ABI2: variants seen among roughly 807,000 people sequenced by gnomAD.
The protein encoded by ABI2 is abl interactor 2.
In ABI2, 25 loss-of-function variants were observed where a neutral mutation model predicts 59.2. The observed-to-expected ratio is 0.42, with a 90% CI of 0.31 to 0.59. The LOEUF (loss-of-function observed/expected upper bound fraction) is 0.59, where lower values mean the gene tolerates loss of function less well. Among genes scored for constraint, ABI2 ranks in the 20% least tolerant of loss-of-function variants. The probability of loss-of-function intolerance (pLI) is 0.14; values close to 1 mark genes in which losing one functional copy is unlikely to be tolerated. For missense variants in ABI2, 545 were observed against 681.8 expected (o/e 0.80, Z 2.23); for synonymous variants, 213 against 235.5 (o/e 0.90, Z 0.87).
At chr2:203,349,755 T>C (rs538601140) in intron 1 of ABI2, among the ~76,000 whole-genome samples, 103 of 152,088 alleles carry the variant, frequency 6.8e-4, no homozygotes, top group Admixed American at 9.8e-4. Context: ...AGTACATGGA[T>C]AATACCACAT....
intron 1 of ABI2, among the ~76,000 whole-genome samples, chr2:203,361,587 T>C (rs969085656): frequency 6.6e-6 from 1 of 152,026 alleles, no homozygotes; most frequent in Non-Finnish European, 1.5e-5. Flanking sequence ...GTTGACAGAA[T>C]GCTAAGGAAA....
chr2:203,359,989 A>C (rs1003433362), intron 1 of ABI2, among the ~76,000 whole-genome samples: 1 of 152,032 alleles, frequency 6.6e-6, no homozygotes, highest in Non-Finnish European at 1.5e-5. Flanking sequence ...GATTGAGACC[A>C]TCCTGGCCAA....
At chr2:203,349,369 A>C (rs1279883929) in intron 1 of ABI2, among the ~76,000 whole-genome samples, 1 of 152,062 alleles carries the variant, frequency 6.6e-6, no homozygotes, top group Non-Finnish European at 1.5e-5. Context: ...CTAATCCTGA[A>C]GTCTCCATTA....
At chr2:203,330,337 G>C (rs1207536424) in intron 1 of ABI2, among the ~76,000 whole-genome samples, 1 of 150,992 alleles carries the variant, frequency 6.6e-6, no homozygotes. Flanking sequence ...TGATACAAGT[G>C]GGGTAGAAAA....
intron 11 of ABI2, 22 bp from the exon 12 acceptor site, chr2:203,427,155 G>A (rs779523994): frequency 3.1e-6 from 5 of 1,607,372 alleles, no homozygotes; most frequent in Non-Finnish European, 4.3e-6. Flanking sequence ...TTCACATCCT[G>A]TTTTGTTTTC....
intron 11 of ABI2, among the ~76,000 whole-genome samples, chr2:203,419,557 T>C (rs1265926678): frequency 1.3e-5 from 2 of 151,376 alleles, no homozygotes; most frequent in African/African-American, 4.9e-5. Flanking sequence ...TTTTTTTTTT[T>C]TGGTAGAGAC....
intron 5 of ABI2, among the ~76,000 whole-genome samples, chr2:203,394,166 T>G (rs1483860703): frequency 6.6e-6 from 1 of 152,220 alleles, no homozygotes; most frequent in Non-Finnish European, 1.5e-5. Flanking sequence ...TATTTTTGTA[T>G]ATAGATATAC....
chr2:203,413,910 G>T (rs926635472), intron 10 of ABI2, among the ~76,000 whole-genome samples: 1 of 151,876 alleles, frequency 6.6e-6, no homozygotes, highest in Non-Finnish European at 1.5e-5. Context: ...GTTATACTGG[G>T]GTAAGAAGTA....
intron 1 of ABI2, among the ~76,000 whole-genome samples, chr2:203,329,723 C>T (rs1362315958): frequency 2.0e-5 from 3 of 150,422 alleles, no homozygotes; most frequent in Non-Finnish European, 3.0e-5. Context: ...ACCTCCATCT[C>T]TCCAGGGATC....
chr2:203,352,565 TAAAG>T (rs1307908672), intron 1 of ABI2, among the ~76,000 whole-genome samples: 3 of 143,054 alleles, frequency 2.1e-5, no homozygotes, highest in East Asian at 2.8e-4. Flanking sequence ...CAAAAAAAGT[TAAAG>T]AAAAAAAAAA....
At chr2:203,375,884 A>T (rs1033780677) in intron 2 of ABI2, 2 of 434,656 alleles carry the variant, frequency 4.6e-6, no homozygotes, top group African/African-American at 2.0e-5. Context: ...TCAAACTCCA[A>T]ATAGAACCGT....
intron 10 of ABI2, among the ~76,000 whole-genome samples, chr2:203,413,543 G>A (rs2097764996): frequency 6.6e-6 from 1 of 152,192 alleles, no homozygotes; most frequent in Middle Eastern, 3.4e-3. Flanking sequence ...TTGCCTTTTG[G>A]ATTGGTCTTT....
At chr2:203,339,913 G>A (rs977053585) in intron 1 of ABI2, among the ~76,000 whole-genome samples, 12 of 152,154 alleles carry the variant, frequency 7.9e-5, no homozygotes, top group Non-Finnish European at 1.5e-4. Context: ...TGTGGAACGC[G>A]TGTATATGAA....
chr2:203,337,966 G>A (rs2077218240), intron 1 of ABI2, among the ~76,000 whole-genome samples: 1 of 152,198 alleles, frequency 6.6e-6, no homozygotes, highest in Non-Finnish European at 1.5e-5. Flanking sequence ...GGAAGTGGAG[G>A]TTGCAGTGAG....
intron 10 of ABI2, 47 bp downstream of exon 10, chr2:203,411,418 A>G: frequency 2.1e-6 from 3 of 1,442,582 alleles, no homozygotes; most frequent in Non-Finnish European, 2.9e-6. Context: ...GTAGGCATAA[A>G]ATGTCATTTA....
Position 203,411,588 on chromosome 2 carries a change from T to C in ABI2, c.1279+217T>C, listed in dbSNP as rs150744052. ...ACAAATACATATAAAATAAGGCACA[T>C]ATAAGAAAAGAAAGATCACATCCTA... is the stretch of plus-strand genomic sequence containing the variant. On this transcript the variant is annotated intron_variant, in intron 10 of 11. Coordinates refer to ENST00000261018, the MANE Select transcript of ABI2 (RefSeq NM_001375670.1). Among the ~76,000 whole-genome samples, 776 of 152,292 alleles carry C rather than the reference T, an allele frequency of 5.1e-3. 3 individuals carry two copies. The highest frequency in any genetic ancestry group is 9.1e-3 in the Non-Finnish European group (621 of 68,014).
At chr2:203,354,880 A>G (rs2091073029) in intron 1 of ABI2, among the ~76,000 whole-genome samples, 1 of 152,210 alleles carries the variant, frequency 6.6e-6, no homozygotes, top group East Asian at 1.9e-4. Context: ...ATTTCTGGAA[A>G]AGATGGTGTG....
intron 4 of ABI2, among the ~76,000 whole-genome samples, chr2:203,390,491 T>C (rs1055935127): frequency 6.6e-6 from 1 of 151,888 alleles, no homozygotes; most frequent in Non-Finnish European, 1.5e-5. Context: ...AATTAGCTGG[T>C]CGTGGTGGCA....
At chr2:203,343,496 A>AG (rs2081312823) in intron 1 of ABI2, among the ~76,000 whole-genome samples, 1 of 152,094 alleles carries the variant, frequency 6.6e-6, no homozygotes, top group Non-Finnish European at 1.5e-5. Flanking sequence ...TAGAATTTCT[A>AG]GGACTATTTA....
Sources: gnomAD v4.1 joint callset for allele counts (sites outside exome capture counted in the v4.1 genomes callset) on GRCh38, gnomAD v4.1.1 for gene constraint, MANE v1.5 for transcripts, NCBI Gene and HGNC (gene_info 2026-07-23, HGNC 2026-07-21) for gene names.